DNAJC3: variants seen among roughly 807,000 people sequenced by gnomAD.
The protein encoded by DNAJC3 is dnaJ homolog subfamily C member 3.
DNAJC3 carries 38 observed loss-of-function variants against 68.6 expected under a neutral mutation model. The observed-to-expected ratio is 0.55, with a 90% CI of 0.43 to 0.73. The LOEUF (loss-of-function observed/expected upper bound fraction) is 0.73. Ranked by LOEUF, DNAJC3 falls within the 30% of genes least tolerant of loss-of-function variation. The probability of loss-of-function intolerance (pLI) is 0.00; values close to 1 mark genes in which losing one functional copy is unlikely to be tolerated. For synonymous variants in DNAJC3, 203 were observed against 204.0 expected, an observed-to-expected ratio of 1.00 and a Z score of 0.04; for missense variants, 526 against 591.9, an observed-to-expected ratio of 0.89 and a Z score of 1.16.
rs1190198832 is a variant in DNAJC3, at chr13:95,760,108, G to A, written c.615G>A (p.Arg205=). The change falls in exon 6 of 12, where the codon AGG becomes AGA. Residue 205 remains arginine (R), a synonymous_variant. Transcript: ENST00000602402. ...AECFIKEGEP[R]KAISDLKAAS... is the part of the protein sequence containing the mutation. ...GTTTTATAAAAGAAGGAGAACCTAG[G>A]AAAGCTATAAGTGACTTAAAAGCTG... 9 of 1,612,326 alleles carry A rather than the reference G, an allele frequency of 5.6e-6. No individual in the cohort carries two copies. Among genetic ancestry groups the A allele is most frequent in the Non-Finnish European group, 7.6e-6 (9 of 1,179,054 alleles).
Position 95,773,832 on chromosome 13 carries a change from G to A in DNAJC3, c.1075+9879G>A, listed in dbSNP as rs531873775. ...GCTCACTGCAACCTCTACCTCCTGG[G>A]TTCAAGTGATTCCACTGCCTCAGCC... On this transcript the variant is annotated intron_variant, in intron 9 of 11. Transcript: ENST00000602402. Among the ~76,000 whole-genome samples, 51 of 148,314 alleles carry A rather than the reference G, an allele frequency of 3.4e-4. 1 individual carries two copies. The highest frequency in any genetic ancestry group is 3.4e-3 in the Admixed American group (50 of 14,714).
chr13:95,690,538 C>T (rs1310614242), intron 1 of DNAJC3, among the ~76,000 whole-genome samples: 1 of 151,244 alleles, frequency 6.6e-6, no homozygotes, highest in East Asian at 2.0e-4. Flanking sequence ...GGCAGAGGGG[C>T]TCCTCACTTC....
rs562837898 is a variant in DNAJC3, at chr13:95,741,367, A to T, written c.393+16115A>T. ...GTATCTGTGATTTCTTCAGTGGCTT[A>T]GGGTGCAGTTGTTATTGGAAGCTGT... is the stretch of plus-strand genomic sequence containing the variant. On this transcript the variant is annotated intron_variant, in intron 4 of 11. Coordinates refer to ENST00000602402, the MANE Select transcript of DNAJC3 (RefSeq NM_006260.5). Among the ~76,000 whole-genome samples the T allele has an allele frequency of 2.6e-5, 4 of 152,306 alleles. No individual in the cohort carries two copies. In the South Asian group the frequency reaches 8.3e-4, roughly 32 times the overall value.
intron 4 of DNAJC3, among the ~76,000 whole-genome samples, chr13:95,747,254 G>A (rs1417566665): frequency 6.6e-6 from 1 of 152,176 alleles, no homozygotes; most frequent in Admixed American, 6.5e-5. Flanking sequence ...AATTAATCAG[G>A]CAAATATGAT....
chr13:95,756,657 C>G (rs539305823), intron 4 of DNAJC3, among the ~76,000 whole-genome samples: 1 of 152,236 alleles, frequency 6.6e-6, no homozygotes, highest in South Asian at 2.1e-4. Flanking sequence ...AATTAACTTT[C>G]CCTTGTCTGT....
At chr13:95,680,219 T>G (rs1367859331) in intron 1 of DNAJC3, among the ~76,000 whole-genome samples, 1 of 152,230 alleles carries the variant, frequency 6.6e-6, no homozygotes, top group African/African-American at 2.4e-5. Context: ...AACGAAACCT[T>G]TTTTCTCTTA....
intron 2 of DNAJC3, among the ~76,000 whole-genome samples, chr13:95,713,986 A>G (rs914501907): frequency 2.0e-5 from 3 of 152,186 alleles, no homozygotes; most frequent in East Asian, 1.9e-4. Flanking sequence ...GGTGAAACAT[A>G]AATAGTTGCA....
intron 9 of DNAJC3, among the ~76,000 whole-genome samples, chr13:95,778,641 C>A (rs894517838): frequency 2.0e-5 from 3 of 152,088 alleles, no homozygotes; most frequent in Non-Finnish European, 4.4e-5. Context: ...GTAGTTAACA[C>A]CCTTAAAAAG....
At chr13:95,735,888 T>C (rs914920363) in intron 4 of DNAJC3, among the ~76,000 whole-genome samples, 11 of 152,222 alleles carry the variant, frequency 7.2e-5, no homozygotes, top group Non-Finnish European at 1.5e-5. Context: ...AGACATGAAG[T>C]CTTTGCCCAT....
intron 7 of DNAJC3, among the ~76,000 whole-genome samples, chr13:95,762,534 C>T (rs1215635477): frequency 6.6e-6 from 1 of 152,140 alleles, no homozygotes; most frequent in Non-Finnish European, 1.5e-5. Context: ...CATATAATCT[C>T]TAGGGTTTTT....
chr13:95,735,665 GT>G (rs1881885839), intron 4 of DNAJC3, among the ~76,000 whole-genome samples: 1 of 149,806 alleles, frequency 6.7e-6, no homozygotes, highest in African/African-American at 2.5e-5. Flanking sequence ...TTTTGATGGG[GT>G]TGTTTGTTTT....
At chr13:95,678,312 G>C (rs1348948467) in intron 1 of DNAJC3, among the ~76,000 whole-genome samples, 2 of 152,162 alleles carry the variant, frequency 1.3e-5, no homozygotes, top group Non-Finnish European at 2.9e-5. Flanking sequence ...TTCAAAGGGA[G>C]CGAGGAACTA....
intron 1 of DNAJC3, among the ~76,000 whole-genome samples, chr13:95,699,471 G>A (rs1351674648): frequency 6.6e-6 from 1 of 152,132 alleles, no homozygotes; most frequent in South Asian, 2.1e-4. Context: ...CATCCTGTGA[G>A]GTTGAAAATG....
chr13:95,698,725 T>G (rs372650524), intron 1 of DNAJC3, among the ~76,000 whole-genome samples: 6 of 152,330 alleles, frequency 3.9e-5, no homozygotes, highest in Admixed American at 2.0e-4. Context: ...GGAATTTCTC[T>G]GGTGGGCAAG....
intron 2 of DNAJC3, among the ~76,000 whole-genome samples, chr13:95,720,569 T>C (rs1881289405): frequency 6.6e-6 from 1 of 152,204 alleles, no homozygotes; most frequent in African/African-American, 2.4e-5. Context: ...TAATTTATTG[T>C]ACCTTACAAA....
In DNAJC3 at chr13:95,774,701, A is replaced by G. The variant is rs140402330; in HGVS notation, c.1075+10748A>G. 1.3e-3 allele frequency among the ~76,000 whole-genome samples: 201 copies of G among 152,188 alleles called. 1 individual carries two copies. Among genetic ancestry groups the G allele is most frequent in the African/African-American group, 3.6e-3 (148 of 41,520 alleles). Reference sequence around the variant, plus strand: ...TGACTGTCAAGTGTTCTCCTGATGAATTTTTACTTTTATTCTTACTCAGTG... The same window carrying G: ...TGACTGTCAAGTGTTCTCCTGATGAGTTTTTACTTTTATTCTTACTCAGTG... On this transcript the variant is annotated intron_variant, in intron 9 of 11. Coordinates refer to ENST00000602402, the MANE Select transcript of DNAJC3 (RefSeq NM_006260.5).
At chr13:95,790,632 G>C (rs752501836) in intron 11 of DNAJC3, among the ~76,000 whole-genome samples, 1 of 150,004 alleles carries the variant, frequency 6.7e-6, no homozygotes, top group Non-Finnish European at 1.5e-5. Flanking sequence ...TTAGGGGCCT[G>C]AATCTCAATA....
At chr13:95,743,467 T>C (rs1297487993) in intron 4 of DNAJC3, among the ~76,000 whole-genome samples, 2 of 152,220 alleles carry the variant, frequency 1.3e-5, no homozygotes, top group Non-Finnish European at 2.9e-5. Flanking sequence ...TGTTATTACC[T>C]TCTTAAGTTA....
intron 9 of DNAJC3, among the ~76,000 whole-genome samples, chr13:95,776,978 G>A (rs1475588021): frequency 6.6e-6 from 1 of 152,166 alleles, no homozygotes; most frequent in East Asian, 1.9e-4. Context: ...CCTGCTTTGT[G>A]TTAGTCTTGG....
Sources: gnomAD v4.1 joint callset for allele counts (sites outside exome capture counted in the v4.1 genomes callset) on GRCh38, gnomAD v4.1.1 for gene constraint, MANE v1.5 for transcripts, NCBI Gene and HGNC (gene_info 2026-07-23, HGNC 2026-07-21) for gene names.